The following ATG10 variants were observed in gnomAD, a reference collection of about 807,000 sequenced individuals.
ATG10 encodes ubiquitin-like-conjugating enzyme ATG10.
In ATG10, 30 loss-of-function variants were observed where a neutral mutation model predicts 32.1. That is an observed-to-expected ratio of 0.94 (90% CI 0.70 to 1.27). The LOEUF is 1.27. Among genes scored for constraint, ATG10 ranks in the 50% most tolerant of loss-of-function variants. The pLI, the probability that ATG10 is intolerant of heterozygous loss-of-function variation, is 0.00. For missense variants in ATG10, 233 were observed against 262.3 expected, an observed-to-expected ratio of 0.89 and a Z score of 0.77; for synonymous variants, 87 against 91.5, an observed-to-expected ratio of 0.95 and a Z score of 0.28.
At chr5:82,079,558 T>C (rs1376841604) in intron 3 of ATG10, among the ~76,000 whole-genome samples, 2 of 152,006 alleles carry the variant, frequency 1.3e-5, no homozygotes, top group East Asian at 1.9e-4. Context: ...ATGTTCCCTT[T>C]CCTGTGTCCA....
intron 3 of ATG10, among the ~76,000 whole-genome samples, chr5:82,093,261 G>A (rs1375140705): frequency 6.6e-6 from 1 of 152,176 alleles, no homozygotes; most frequent in Non-Finnish European, 1.5e-5. Context: ...ACTGGAGATT[G>A]CCACATAGCT....
chr5:81,973,759 C>G (rs1410046595), intron 1 of ATG10, among the ~76,000 whole-genome samples: 1 of 152,046 alleles, frequency 6.6e-6, no homozygotes, highest in Admixed American at 6.6e-5. Context: ...GGAAATGTTA[C>G]AGAACTTTGA....
At position 82,069,442 on chromosome 5, in the gene ATG10, T is replaced by C. The variant is rs541226836; in HGVS notation, c.216+10840T>C. ...GAAATGCTCACTATGAAAGAGACTT[T>C]ATTAAAAATGCAGATGAATTATTTT... On this transcript the variant is annotated intron_variant, in intron 3 of 7. Transcript: ENST00000282185. 1.1e-3 allele frequency among the ~76,000 whole-genome samples: 174 copies of C among 152,320 alleles called. 2 individuals are homozygous for C. Among genetic ancestry groups the C allele is most frequent in the Admixed American group, 2.2e-3 (34 of 15,280 alleles).
At chr5:82,236,362 A>G (rs1746551165) in intron 5 of ATG10, among the ~76,000 whole-genome samples, 1 of 152,186 alleles carries the variant, frequency 6.6e-6, no homozygotes, top group African/African-American at 2.4e-5. Flanking sequence ...CAAATTGATA[A>G]TTGAATAAGT....
intron 3 of ATG10, among the ~76,000 whole-genome samples, chr5:82,149,394 C>T (rs187338497): frequency 3.5e-4 from 54 of 152,160 alleles, no homozygotes; most frequent in African/African-American, 1.1e-3. Flanking sequence ...GTCAGCTTCT[C>T]GGAGTAGCCC....
At position 82,046,784 on chromosome 5, in the gene ATG10, A is replaced by C. The variant is rs577795644; in HGVS notation, c.109-11711A>C. Among the ~76,000 whole-genome samples, 8 of 152,252 alleles carry C rather than the reference A, an allele frequency of 5.3e-5. No homozygotes were observed. The East Asian group carries it at 1.5e-3, about 29-fold the overall frequency. ...AAAGTGACAACTTGCTACCCTGATA[A>C]TTTTTCTACCATCAGTACTATCAAA... On this transcript the variant is annotated intron_variant, in intron 2 of 7. Coordinates refer to ENST00000282185, the MANE Select transcript of ATG10 (RefSeq NM_031482.5).
chr5:82,143,351 C>T (rs1767224321), intron 3 of ATG10, among the ~76,000 whole-genome samples: 1 of 152,144 alleles, frequency 6.6e-6, no homozygotes, highest in African/African-American at 2.4e-5. Flanking sequence ...AAGCCCAGCA[C>T]AGAACGGTCG....
At chr5:82,145,938 G>A (rs907202633) in intron 3 of ATG10, among the ~76,000 whole-genome samples, 10 of 151,980 alleles carry the variant, frequency 6.6e-5, no homozygotes, top group South Asian at 2.1e-4. Context: ...AACTCCTGAC[G>A]TCAGGTGATC....
chr5:82,227,958 C>T (rs1284787180), intron 5 of ATG10, among the ~76,000 whole-genome samples: 1 of 152,110 alleles, frequency 6.6e-6, no homozygotes, highest in Non-Finnish European at 1.5e-5. Context: ...GTAATCCCAG[C>T]ACTTTGAGAT....
chr5:82,061,818 C>CTTTTT (rs11459926), intron 3 of ATG10, among the ~76,000 whole-genome samples: 11 of 80,936 alleles, frequency 1.4e-4, no homozygotes, highest in Non-Finnish European at 2.1e-4. Context: ...ACACACATAC[C>CTTTTT]TTTTTTTTTT....
chr5:82,252,062 G>A (rs1747275347), intron 5 of ATG10, among the ~76,000 whole-genome samples: 1 of 152,220 alleles, frequency 6.6e-6, no homozygotes, highest in South Asian at 2.1e-4. Context: ...TCTACTCGTG[G>A]AACATGTGCC....
intron 5 of ATG10, among the ~76,000 whole-genome samples, chr5:82,250,054 T>C (rs10036914): frequency 0.012 from 1,771 of 152,308 alleles, 25 homozygotes; most frequent in African/African-American, 0.04. Flanking sequence ...ATCAATAAGA[T>C]TGGATTATAC....
At chr5:82,029,065 T>G (rs1454538960) in intron 2 of ATG10, among the ~76,000 whole-genome samples, 1 of 152,208 alleles carries the variant, frequency 6.6e-6, no homozygotes, top group Non-Finnish European at 1.5e-5. Flanking sequence ...TATTCACAAT[T>G]TATTCATATT....
At chr5:82,135,276 T>A (rs1420495957) in intron 3 of ATG10, among the ~76,000 whole-genome samples, 2 of 152,138 alleles carry the variant, frequency 1.3e-5, no homozygotes. Context: ...GCTTTTGAAT[T>A]TGTTTTCTCT....
intron 2 of ATG10, among the ~76,000 whole-genome samples, chr5:82,005,822 C>G (rs1761973402): frequency 6.6e-6 from 1 of 152,074 alleles, no homozygotes; most frequent in African/African-American, 2.4e-5. Context: ...AACAAAATAT[C>G]CTACTTTCTT....
chr5:81,983,660 C>G (rs1378774068), intron 1 of ATG10, among the ~76,000 whole-genome samples: 1 of 151,500 alleles, frequency 6.6e-6, no homozygotes, highest in Non-Finnish European at 1.5e-5. Flanking sequence ...CCACCTCCCT[C>G]CCGGACGGGG....
chr5:82,085,220 C>G (rs548774979), intron 3 of ATG10, among the ~76,000 whole-genome samples: 1 of 151,728 alleles, frequency 6.6e-6, no homozygotes, highest in East Asian at 2.0e-4. Context: ...TAACAAAGAT[C>G]AAAAGAGACA....
chr5:82,079,990 A>G (rs1200756318), intron 3 of ATG10, among the ~76,000 whole-genome samples: 1 of 152,186 alleles, frequency 6.6e-6, no homozygotes, highest in East Asian at 1.9e-4. Flanking sequence ...CAACAGTGTA[A>G]AAGCATTCCT....
At chr5:82,217,931 T>C (rs1310159751) in intron 5 of ATG10, among the ~76,000 whole-genome samples, 2 of 151,904 alleles carry the variant, frequency 1.3e-5, no homozygotes, top group Non-Finnish European at 1.5e-5. Context: ...GAGCTGAGAT[T>C]GTACCATTGC....
Sources: gnomAD v4.1 joint callset for allele counts (sites outside exome capture counted in the v4.1 genomes callset) on GRCh38, gnomAD v4.1.1 for gene constraint, MANE v1.5 for transcripts, NCBI Gene and HGNC (gene_info 2026-07-23, HGNC 2026-07-21) for gene names.